TTC3: variants seen among roughly 807,000 people sequenced by gnomAD.
The protein encoded by TTC3 is tetratricopeptide repeat domain 3.
In TTC3, 180 loss-of-function variants were observed where a neutral mutation model predicts 249.6. The observed-to-expected ratio is 0.72, with a 90% CI of 0.64 to 0.82. The LOEUF is 0.82. Ranked by LOEUF, TTC3 falls within the 40% of genes least tolerant of loss-of-function variation. The probability of loss-of-function intolerance (pLI) is 0.00; values close to 1 mark genes in which losing one functional copy is unlikely to be tolerated. For missense variants in TTC3, 2,061 were observed against 2,398.4 expected, an observed-to-expected ratio of 0.86 and a Z score of 2.94; for synonymous variants, 717 against 805.0, an observed-to-expected ratio of 0.89 and a Z score of 1.85.
At chr21:37,142,820 G>A (rs1453159194) in intron 20 of TTC3, among the ~76,000 whole-genome samples, 1 of 152,170 alleles carries the variant, frequency 6.6e-6, no homozygotes, top group Non-Finnish European at 1.5e-5. Flanking sequence ...AAAGCTGGAG[G>A]CATCACGCTA....
chr21:37,097,886 T>A, intron 10 of TTC3: 2 of 699,004 alleles, frequency 2.9e-6, no homozygotes, highest in Non-Finnish European at 5.3e-6. Flanking sequence ...AAAATAACAT[T>A]TATTGTGTTT....
chr21:37,091,326 A>G (rs1326601972), exon 7 of TTC3: 1 of 1,611,886 alleles, frequency 6.2e-7, no homozygotes, highest in South Asian at 1.1e-5. Flanking sequence ...TCTGAATTGG[A>G]TAAAATATGC....
At chr21:37,152,379 GT>G (rs5843795) in intron 26 of TTC3, among the ~76,000 whole-genome samples, 73,018 of 139,080 alleles carry the variant, frequency 0.53, 19,080 homozygotes, top group African/African-American at 0.63. Flanking sequence ...GAACTAAGTT[GT>G]TTTTTTTTTT....
intron 40 of TTC3, 63 bp downstream of exon 40, chr21:37,191,487 C>T: frequency 9.6e-7 from 1 of 1,040,906 alleles, no homozygotes; most frequent in South Asian, 2.0e-5. Flanking sequence ...TCTCGGGAGG[C>T]TGGTGTCATA....
intron 23 of TTC3, 105 bp from the exon 24 acceptor site, chr21:37,149,973 A>G: frequency 1.3e-6 from 1 of 776,528 alleles, no homozygotes. Context: ...AGATGGTTTT[A>G]GTCCGTATTT....
chr21:37,192,088 C>A, intron 40 of TTC3, 24 bp from the exon 41 acceptor site: 1 of 1,465,168 alleles, frequency 6.8e-7, no homozygotes, highest in Non-Finnish European at 9.4e-7. Context: ...TGTGGTTTTC[C>A]CACACTTTAC....
intron 20 of TTC3, among the ~76,000 whole-genome samples, chr21:37,142,099 C>T (rs752908685): frequency 5.9e-5 from 9 of 152,112 alleles, no homozygotes. Flanking sequence ...TGGGACGTAT[C>T]TCAAAATAAT....
At chr21:37,133,337 CAT>C (rs66756932) in intron 17 of TTC3, among the ~76,000 whole-genome samples, 77 of 152,228 alleles carry the variant, frequency 5.1e-4, no homozygotes, top group Middle Eastern at 3.4e-3. Context: ...CATTTCAAAA[CAT>C]GTGGATCTTT....
intron 35 of TTC3, among the ~76,000 whole-genome samples, chr21:37,177,116 A>G (rs183242412): frequency 6.6e-6 from 1 of 152,128 alleles, no homozygotes; most frequent in East Asian, 1.9e-4. Flanking sequence ...TTGCCTACAT[A>G]TCTGGGTTCA....
At chr21:37,200,014 G>A (rs2085333336) in intron 44 of TTC3, among the ~76,000 whole-genome samples, 1 of 152,142 alleles carries the variant, frequency 6.6e-6, no homozygotes, top group Non-Finnish European at 1.5e-5. Flanking sequence ...TTTCTCTGAG[G>A]AAATTAGAAC....
rs569885358 is a variant in TTC3, at chr21:37,154,632, C to G, written c.2740+1355C>G. ...ATTCAGGTAAATGCAGCACTTGAGC[C>G]CTCCAGCTCACTGGCAGGAAAGGGT... On this transcript the variant is annotated intron_variant, in intron 27 of 45. Transcript: ENST00000355666. Among the ~76,000 whole-genome samples the G allele has an allele frequency of 4.6e-5, 7 of 152,234 alleles. No homozygotes were observed. The East Asian group carries it at 1.2e-3, about 25-fold the overall frequency.
intron 30 of TTC3, among the ~76,000 whole-genome samples, chr21:37,161,512 A>G (rs2080747384): frequency 1.3e-5 from 2 of 152,192 alleles, no homozygotes. Flanking sequence ...CCTGCGTTCA[A>G]GCGATCTGCC....
intron 11 of TTC3, among the ~76,000 whole-genome samples, chr21:37,116,316 C>T (rs2076138594): frequency 6.6e-6 from 1 of 152,120 alleles, no homozygotes; most frequent in African/African-American, 2.4e-5. Context: ...ATAGTGTTTG[C>T]TTCTGGGCAG....
Position 37,200,134 on chromosome 21 carries a change from T to C in TTC3, c.5851-98T>C, listed in dbSNP as rs150134689. On this transcript the variant is annotated intron_variant, in intron 44 of 45. Coordinates refer to ENST00000355666, the Ensembl canonical transcript of TTC3. Reference sequence around the variant, plus strand: ...TAATTGTGAATAATTTGCCACCCTTTGTGGCAGAAGATGTTTGAAGGCCAC... The same window carrying C: ...TAATTGTGAATAATTTGCCACCCTTCGTGGCAGAAGATGTTTGAAGGCCAC... The C allele has an allele frequency of 1.0e-3, 1,067 of 1,070,256 alleles. 10 individuals are homozygous for C. The African/African-American group carries it at 0.015, about 15-fold the overall frequency. The allele number at this position is 1,070,256 out of a possible 1,614,324, so 66.3% of individuals were successfully genotyped here.
At chr21:37,124,035 C>T (rs1185983959) in intron 13 of TTC3, among the ~76,000 whole-genome samples, 1 of 151,152 alleles carries the variant, frequency 6.6e-6, no homozygotes, top group Non-Finnish European at 1.5e-5. Context: ...AGGAGTGAGC[C>T]ACTGTGCCCA....
At chr21:37,175,597 CAAAAAAAAAAA>C (rs1175943574) in intron 35 of TTC3, among the ~76,000 whole-genome samples, 1 of 42,852 alleles carries the variant, frequency 2.3e-5, no homozygotes, top group Non-Finnish European at 4.7e-5. Flanking sequence ...GACTCCATCT[CAAAAAAAAAAA>C]AAAAAAAAAG....
chr21:37,090,404 G>A (rs2073103739), intron 6 of TTC3, 118 bp downstream of exon 6: 1 of 1,034,812 alleles, frequency 9.7e-7, no homozygotes, highest in East Asian at 2.8e-5. Flanking sequence ...GTATTTGGTA[G>A]TATTGACTTC....
intron 7 of TTC3, 146 bp downstream of exon 7, chr21:37,091,559 CT>C (rs920854408): frequency 1.2e-5 from 3 of 260,860 alleles, no homozygotes; most frequent in East Asian, 9.0e-5. Flanking sequence ...AAGAGAATTT[CT>C]TTTTTTTATT....
chr21:37,146,918 T>G (rs2079033867), intron 21 of TTC3, among the ~76,000 whole-genome samples: 1 of 152,134 alleles, frequency 6.6e-6, no homozygotes, highest in East Asian at 1.9e-4. Context: ...CATACAAGAT[T>G]GGGATAGAGG....
Sources: allele counts gnomAD v4.1 joint callset (sites outside exome capture counted in the v4.1 genomes callset), GRCh38; gene constraint gnomAD v4.1.1; transcripts MANE v1.5; gene names NCBI Gene and HGNC (gene_info 2026-07-23, HGNC 2026-07-21).